Variants in IP6K3 observed in about 807,000 individuals in gnomAD.
IP6K3 encodes the protein inositol hexakisphosphate kinase 3.
In IP6K3, 20 loss-of-function variants were observed where a neutral mutation model predicts 28.8. The observed-to-expected ratio is 0.70, with a 90% CI of 0.49 to 1.01. The LOEUF (loss-of-function observed/expected upper bound fraction) is 1.01, where lower values mean the gene tolerates loss of function less well. Among genes scored for constraint, IP6K3 ranks in the 50% least tolerant of loss-of-function variants. The pLI, the probability that IP6K3 is intolerant of heterozygous loss-of-function variation, is 0.00. For synonymous variants in IP6K3, 213 were observed against 221.3 expected, an observed-to-expected ratio of 0.96 and a Z score of 0.33; for missense variants, 480 against 537.1, an observed-to-expected ratio of 0.89 and a Z score of 1.05.
the IP6K3 span, among the ~76,000 whole-genome samples, chr6:33,761,811 C>T: frequency 6.6e-6 from 1 of 152,092 alleles, no homozygotes; most frequent in Admixed American, 6.5e-5. Context: ...GGTCTGGGGA[C>T]AGGGTTGCAT....
At chr6:33,724,323 C>T (rs1311111917) in intron 5 of IP6K3, among the ~76,000 whole-genome samples, 5 of 152,188 alleles carry the variant, frequency 3.3e-5, no homozygotes, top group African/African-American at 4.8e-5. Flanking sequence ...TCCCGGCTTT[C>T]CAAAGGACAT....
the IP6K3 span, among the ~76,000 whole-genome samples, chr6:33,760,901 T>C: frequency 1.3e-5 from 2 of 151,992 alleles, no homozygotes; most frequent in East Asian, 3.9e-4. Flanking sequence ...AGCCCCCGCC[T>C]GCTCTCTCGA....
chr6:33,747,747 C>G (rs1766953588), upstream of IP6K3, among the ~76,000 whole-genome samples: 1 of 152,094 alleles, frequency 6.6e-6, no homozygotes, highest in Admixed American at 6.5e-5. This position sits in a 1 kb window ranked among gnomAD's most constrained non-coding sequence, Gnocchi z 5.2. Flanking sequence ...ACGAGGTGGC[C>G]TCACCAGCCT....
chr6:33,758,787 C>T, the IP6K3 span, among the ~76,000 whole-genome samples: 4 of 152,056 alleles, frequency 2.6e-5, no homozygotes, highest in South Asian at 2.1e-4. Context: ...TTAGTAGAGA[C>T]GATGTTTCAC....
intron 2 of IP6K3, among the ~76,000 whole-genome samples, 154 bp from the exon 3 acceptor site, chr6:33,728,454 G>A (rs1040281561): frequency 2.4e-4 from 37 of 152,314 alleles, no homozygotes; most frequent in African/African-American, 8.9e-4. Context: ...CTATGGGACT[G>A]GCCTGGTTTT....
chr6:33,735,521 A>G lies in IP6K3; in HGVS notation c.-45T>C, dbSNP rs766868428. 1 of 1,591,674 alleles carries G rather than the reference A, an allele frequency of 6.3e-7. No individual in the cohort carries two copies. Among genetic ancestry groups the G allele is most frequent in the South Asian group, 1.1e-5 (1 of 89,738 alleles). ...GGGGGGTCCCTGCACAGTCTGCTAG[A>G]GGAAGGTTTGAAGTAGAAAGGGCAG... On this transcript the variant is annotated 5_prime_UTR_variant, in exon 2 of 6. Transcript: ENST00000293756.
the IP6K3 span, among the ~76,000 whole-genome samples, chr6:33,758,156 C>T: frequency 6.6e-6 from 1 of 152,128 alleles, no homozygotes; most frequent in Non-Finnish European, 1.5e-5. Context: ...AGGTATGTGA[C>T]TACCTGGAGA....
the IP6K3 span, among the ~76,000 whole-genome samples, chr6:33,761,458 G>T: frequency 1.3e-5 from 2 of 152,166 alleles, no homozygotes; most frequent in African/African-American, 2.4e-5. Context: ...TGACTCCACA[G>T]CTGTGAGACA....
At chr6:33,736,764 A>G (rs1370307381) in intron 1 of IP6K3, among the ~76,000 whole-genome samples, 3 of 152,160 alleles carry the variant, frequency 2.0e-5, no homozygotes, top group Admixed American at 6.5e-5. Context: ...TCATGATACC[A>G]TGACATAATT....
Position 33,742,980 on chromosome 6 carries a change from G to A in IP6K3, c.-180+3778C>T, listed in dbSNP as rs1296987795. ...GAAGGGCAAGGAGATGGTGGGAGGCGATGGCTGGAGGGGAGTGTTGTGTGG... is the reference window on the plus strand; with the variant it reads ...GAAGGGCAAGGAGATGGTGGGAGGCAATGGCTGGAGGGGAGTGTTGTGTGG... On this transcript the variant is annotated intron_variant, in intron 1 of 5. Transcript: ENST00000293756. The surrounding 1 kb of genome is among the most constrained non-coding windows in gnomAD (Gnocchi z 4.5). 2.0e-5 allele frequency among the ~76,000 whole-genome samples: 3 copies of A among 152,122 alleles called. No homozygotes were observed. Among genetic ancestry groups the A allele is most frequent in the Non-Finnish European group, 2.9e-5 (2 of 68,030 alleles).
chr6:33,755,164 A>G, the IP6K3 span, among the ~76,000 whole-genome samples: 8 of 152,166 alleles, frequency 5.3e-5, no homozygotes, highest in African/African-American at 1.9e-4. Flanking sequence ...CGTCTCTCTT[A>G]TTTTAGCCTA....
intron 2 of IP6K3, among the ~76,000 whole-genome samples, chr6:33,728,834 G>T (rs533648341): frequency 6.6e-4 from 101 of 152,226 alleles, no homozygotes; most frequent in Non-Finnish European, 1.2e-3. Context: ...TTCCAGGAAG[G>T]CTTCCTCTCA....
At chr6:33,723,994 C>T (rs1766006710) in intron 5 of IP6K3, among the ~76,000 whole-genome samples, 2 of 148,636 alleles carry the variant, frequency 1.3e-5, no homozygotes, top group Non-Finnish European at 3.0e-5. Flanking sequence ...TGGGCATGGC[C>T]GGGGGGGGGT....
In IP6K3 at chr6:33,727,604, C is replaced by T. The variant is rs536443889; in HGVS notation, c.413+483G>A. 1.8e-4 allele frequency among the ~76,000 whole-genome samples: 28 copies of T among 152,286 alleles called. 1 individual carries two copies. The highest frequency in any genetic ancestry group is 6.0e-4 in the African/African-American group (25 of 41,554). The stretch of plus-strand genomic sequence containing the variant: ...ATTGTCAAAGGTTTTTGATAGGGAC[C>T]TCAGGCACCTGAGCCTCCTGCATCT... On this transcript the variant is annotated intron_variant, in intron 3 of 5. Transcript: ENST00000293756.
chr6:33,756,723 A>G, the IP6K3 span, among the ~76,000 whole-genome samples: 3 of 152,182 alleles, frequency 2.0e-5, no homozygotes, highest in African/African-American at 7.2e-5. Flanking sequence ...CAGTGGAGGT[A>G]GAGAGATGTG....
intron 2 of IP6K3, among the ~76,000 whole-genome samples, chr6:33,733,207 G>A (rs1766377853): frequency 6.6e-6 from 1 of 152,236 alleles, no homozygotes; most frequent in Non-Finnish European, 1.5e-5. Context: ...AGATGCTGAG[G>A]CATCCCCTGT....
chr6:33,731,264 C>T (rs553895688), intron 2 of IP6K3, among the ~76,000 whole-genome samples: 1 of 152,188 alleles, frequency 6.6e-6, no homozygotes, highest in East Asian at 1.9e-4. Flanking sequence ...ACTCCCCTGG[C>T]CCTGCCACAC....
At chr6:33,747,853 C>T (rs923212281), upstream of IP6K3, among the ~76,000 whole-genome samples, 11 of 152,068 alleles carry the variant, frequency 7.2e-5, no homozygotes, top group African/African-American at 2.7e-4. This position sits in a 1 kb window ranked among gnomAD's most constrained non-coding sequence, Gnocchi z 5.2. Flanking sequence ...CAGACAGATG[C>T]TGTCCTCTGG....
At chr6:33,756,959 G>T in the IP6K3 span, among the ~76,000 whole-genome samples, 1 of 152,230 alleles carries the variant, frequency 6.6e-6, no homozygotes, top group Non-Finnish European at 1.5e-5. Context: ...GGGGCCACAG[G>T]TACCTCCAGG....
Sources: allele counts gnomAD v4.1 joint callset (sites outside exome capture counted in the v4.1 genomes callset), GRCh38; gene constraint gnomAD v4.1.1; non-coding constraint Gnocchi (gnomAD v3.1); transcripts MANE v1.5; gene names NCBI Gene and HGNC (gene_info 2026-07-23, HGNC 2026-07-21).